Variants in LRRTM3 observed in about 807,000 individuals in gnomAD.
LRRTM3 encodes the protein leucine rich repeat transmembrane neuronal 3.
A neutral mutation model predicts 44.7 loss-of-function variants in LRRTM3; 24 were observed. The ratio of observed to expected loss-of-function variants is 0.54; its 90% CI spans 0.39 to 0.76. LRRTM3 has a LOEUF of 0.76. Ranked by LOEUF, LRRTM3 falls within the 30% of genes least tolerant of loss-of-function variation. LRRTM3 has a pLI of 0.00. For synonymous variants in LRRTM3, 277 were observed against 278.7 expected (o/e 0.99, Z 0.06); for missense variants, 587 against 702.2 (o/e 0.84, Z 1.85).
chr10:66,949,130 A>G (rs558683632), intron 2 of LRRTM3, among the ~76,000 whole-genome samples: 2 of 152,366 alleles, frequency 1.3e-5, no homozygotes, highest in East Asian at 1.9e-4. Context: ...GGAGCCATTC[A>G]GCAATATGAA....
chr10:67,004,205 C>T (rs1287263374), intron 2 of LRRTM3, among the ~76,000 whole-genome samples: 3 of 151,890 alleles, frequency 2.0e-5, no homozygotes, highest in African/African-American at 7.3e-5. Context: ...GAGAAGAAGG[C>T]CTGAATTTTG....
Position 67,089,124 on chromosome 10 carries a change from A to G in LRRTM3, c.1537-8463A>G, listed in dbSNP as rs541997999. Among the ~76,000 whole-genome samples, 246 of 152,068 alleles carry G rather than the reference A, an allele frequency of 1.6e-3. 1 individual carries two copies. The highest frequency in any genetic ancestry group is 5.6e-3 in the African/African-American group (233 of 41,516). On this transcript the variant is annotated intron_variant, in intron 2 of 2. Coordinates refer to ENST00000361320, the MANE Select transcript of LRRTM3 (RefSeq NM_178011.5). The stretch of plus-strand genomic sequence containing the variant: ...CTTACATAAACCTAAGGGACCCCCC[A>G]TAGGTTTTGCTATCGGGAGTCCTAG...
intron 2 of LRRTM3, among the ~76,000 whole-genome samples, chr10:67,087,423 GA>G (rs946471196): frequency 6.6e-6 from 1 of 151,646 alleles, no homozygotes; most frequent in Non-Finnish European, 1.5e-5. Flanking sequence ...TTTATAGGGG[GA>G]AAATCACCAA....
chr10:66,989,204 C>G (rs1269556850), intron 2 of LRRTM3, among the ~76,000 whole-genome samples: 2 of 152,174 alleles, frequency 1.3e-5, no homozygotes, highest in African/African-American at 4.8e-5. Context: ...CCTCTTCTTT[C>G]TCCAATTGAC....
At chr10:67,025,312 C>T (rs1312458986) in intron 2 of LRRTM3, among the ~76,000 whole-genome samples, 1 of 151,194 alleles carries the variant, frequency 6.6e-6, no homozygotes, top group South Asian at 2.1e-4. Flanking sequence ...GCTCATAAGC[C>T]TATTTTGTAA....
At chr10:67,051,335 G>A (rs1855078424) in intron 2 of LRRTM3, among the ~76,000 whole-genome samples, 1 of 152,018 alleles carries the variant, frequency 6.6e-6, no homozygotes, top group African/African-American at 2.4e-5. Flanking sequence ...TCTTATCTAT[G>A]GAAAGGGAAG....
intron 2 of LRRTM3, among the ~76,000 whole-genome samples, chr10:67,051,758 AT>A (rs10582679): frequency 0.4 from 58,531 of 144,656 alleles, 12,330 homozygotes; most frequent in East Asian, 0.64. Context: ...CTATCCTACA[AT>A]TTTTTTTTTT....
At chr10:67,047,459 G>C (rs1457525407) in intron 2 of LRRTM3, among the ~76,000 whole-genome samples, 1 of 152,110 alleles carries the variant, frequency 6.6e-6, no homozygotes, top group Non-Finnish European at 1.5e-5. Context: ...AGGAGTCGGA[G>C]GGAAAGTAAG....
At chr10:66,936,705 C>T (rs1196641382) in intron 2 of LRRTM3, among the ~76,000 whole-genome samples, 1 of 152,020 alleles carries the variant, frequency 6.6e-6, no homozygotes, top group South Asian at 2.1e-4. Flanking sequence ...TCTCAGCATC[C>T]CATTTCCATG....
At chr10:67,009,515 T>C (rs1852195561) in intron 2 of LRRTM3, among the ~76,000 whole-genome samples, 1 of 152,070 alleles carries the variant, frequency 6.6e-6, no homozygotes, top group African/African-American at 2.4e-5. Context: ...TAGATATTTT[T>C]TCAGGCTTTT....
chr10:66,958,469 T>TA (rs1564794841), intron 2 of LRRTM3, among the ~76,000 whole-genome samples: 4 of 123,568 alleles, frequency 3.2e-5, no homozygotes, highest in South Asian at 5.6e-4. Context: ...GCTTTTTTTT[T>TA]TAAAAAAAAT....
intron 2 of LRRTM3, among the ~76,000 whole-genome samples, chr10:66,959,982 A>T (rs1849028375): frequency 6.6e-6 from 1 of 152,124 alleles, no homozygotes; most frequent in Non-Finnish European, 1.5e-5. Context: ...CTACAAGGCT[A>T]GTCTGTACTG....
intron 2 of LRRTM3, among the ~76,000 whole-genome samples, chr10:67,061,626 G>C (rs575490264): frequency 6.6e-6 from 1 of 152,294 alleles, no homozygotes; most frequent in South Asian, 2.1e-4. Context: ...AGAAGAGAAA[G>C]GATGTTCCAC....
chr10:66,965,660 G>A (rs371811640), intron 2 of LRRTM3, among the ~76,000 whole-genome samples: 5 of 151,194 alleles, frequency 3.3e-5, no homozygotes, highest in Non-Finnish European at 7.4e-5. Flanking sequence ...TAGAGAAAAC[G>A]GTTACTGATT....
intron 2 of LRRTM3, among the ~76,000 whole-genome samples, chr10:67,081,788 C>T (rs1276521089): frequency 6.6e-6 from 1 of 152,174 alleles, no homozygotes; most frequent in African/African-American, 2.4e-5. Flanking sequence ...TCCTTCAAGA[C>T]TCAGCTCAAG....
At chr10:67,089,031 G>A (rs1857472573) in intron 2 of LRRTM3, among the ~76,000 whole-genome samples, 1 of 151,968 alleles carries the variant, frequency 6.6e-6, no homozygotes, top group African/African-American at 2.4e-5. Flanking sequence ...ATCTACAGGT[G>A]ATTTTAAATA....
chr10:67,088,702 A>G (rs796232830), intron 2 of LRRTM3, among the ~76,000 whole-genome samples: 8 of 152,190 alleles, frequency 5.3e-5, no homozygotes, highest in African/African-American at 1.2e-4. Flanking sequence ...GGATTTCACT[A>G]TAATGAAGTT....
intron 2 of LRRTM3, among the ~76,000 whole-genome samples, chr10:66,977,371 G>A (rs1294216040): frequency 2.0e-5 from 3 of 151,830 alleles, no homozygotes; most frequent in African/African-American, 7.3e-5. Flanking sequence ...GGGAAGCAGA[G>A]GTTGCAGTGA....
intron 2 of LRRTM3, among the ~76,000 whole-genome samples, chr10:66,996,879 A>C (rs1240367858): frequency 6.6e-6 from 1 of 152,136 alleles, no homozygotes; most frequent in Non-Finnish European, 1.5e-5. Flanking sequence ...GTAAATGTTC[A>C]GCAATTATCC....
Sources: allele counts gnomAD v4.1 joint callset (sites outside exome capture counted in the v4.1 genomes callset), GRCh38; gene constraint gnomAD v4.1.1; transcripts MANE v1.5; gene names NCBI Gene and HGNC (gene_info 2026-07-23, HGNC 2026-07-21).